Variants in RUBCN observed in about 807,000 individuals in gnomAD.
RUBCN encodes the protein run domain Beclin-1-interacting and cysteine-rich domain-containing protein.
RUBCN carries 74 observed loss-of-function variants against 113.2 expected under a neutral mutation model. The observed-to-expected ratio is 0.65, with a 90% CI of 0.54 to 0.79. The LOEUF is 0.79. Ranked by LOEUF, RUBCN falls within the 30% of genes least tolerant of loss-of-function variation. The pLI, the probability that RUBCN is intolerant of heterozygous loss-of-function variation, is 0.00. For synonymous variants in RUBCN, 480 were observed against 490.0 expected, an observed-to-expected ratio of 0.98 and a Z score of 0.27; for missense variants, 1,109 against 1,251.7, an observed-to-expected ratio of 0.89 and a Z score of 1.72.
At chr3:197,717,600 G>T (rs1192502470) in intron 2 of RUBCN, among the ~76,000 whole-genome samples, 2 of 152,180 alleles carry the variant, frequency 1.3e-5, no homozygotes, top group East Asian at 3.8e-4. Flanking sequence ...GAGGGTGTGT[G>T]GCCCTGCAGA....
chr3:197,675,985 A>C lies in RUBCN; in HGVS notation c.2647-470T>G, dbSNP rs73891687. Among the ~76,000 whole-genome samples, 19,046 of 152,160 alleles carry C rather than the reference A, an allele frequency of 0.13. 3,438 individuals are homozygous for C. The highest frequency in any genetic ancestry group is 0.4 in the African/African-American group (16,606 of 41,430). ...TTCCTACCTGTGCCCAGCTCGAATT[A>C]TGGGACGGTCACAGGAACATAAACT... On this transcript the variant is annotated intron_variant, in intron 18 of 19. Transcript: ENST00000296343. This position sits in a 1 kb window ranked among gnomAD's most constrained non-coding sequence, Gnocchi z 4.4.
chr3:197,700,439 T>TA (rs1187073902), intron 7 of RUBCN, 174 bp downstream of exon 7: 3 of 638,464 alleles, frequency 4.7e-6, no homozygotes, highest in Non-Finnish European at 8.2e-6. Context: ...TAAATAGACT[T>TA]AGAGATTTTG....
rs1034256924 is a variant in RUBCN, at chr3:197,671,008, CTTTT to C, written c.*4006_*4009del. On this transcript the variant is annotated 3_prime_UTR_variant, in exon 20 of 20. Coordinates refer to ENST00000296343, the MANE Select transcript of RUBCN (RefSeq NM_014687.4). ...CCCCTCATGCCACAGTGTGCTGGTGCTTTTTTTGTTTTGTTTTGTTTTTTTGAGA... is the reference window on the plus strand; with the variant it reads ...CCCCTCATGCCACAGTGTGCTGGTGCTTTGTTTTGTTTTGTTTTTTTGAGA... 1.3e-5 allele frequency among the ~76,000 whole-genome samples: 2 copies of C among 151,976 alleles called. No individual in the cohort carries two copies. The highest frequency in any genetic ancestry group is 2.4e-5 in the African/African-American group (1 of 41,376).
chr3:197,732,530 G>T (rs1727637913), intron 1 of RUBCN, among the ~76,000 whole-genome samples: 1 of 152,210 alleles, frequency 6.6e-6, no homozygotes, highest in South Asian at 2.1e-4. Context: ...AGCCAGGATG[G>T]TCTCGATCTC....
At position 197,693,797 on chromosome 3, in the gene RUBCN, G is replaced by A; in HGVS notation, c.1704C>T (p.Ser568=). The change falls in exon 11 of 20, where the codon AGC becomes AGT. Residue 568 remains serine, a synonymous_variant. Coordinates refer to ENST00000296343, the MANE Select transcript of RUBCN (RefSeq NM_014687.4). ...AATCACGTGAGCTGAACTGGGAGCT[G>A]CTGGAGGTGACCCGAAAGCCTGTTA... The part of the protein sequence containing the change: ...AEHGSFRVTS[S]SSQFSSRDSA... 2.5e-6 allele frequency: 4 copies of A among 1,613,868 alleles called. No homozygotes were observed. The highest frequency in any genetic ancestry group is 1.1e-5 in the South Asian group (1 of 91,082).
intron 1 of RUBCN, among the ~76,000 whole-genome samples, chr3:197,725,496 A>G (rs990885375): frequency 6.8e-6 from 1 of 147,974 alleles, no homozygotes; most frequent in African/African-American, 2.5e-5. Flanking sequence ...CCAGTCCCAT[A>G]CATTTCATGG....
intron 8 of RUBCN, among the ~76,000 whole-genome samples, chr3:197,696,738 G>A (rs1166822898): frequency 6.6e-6 from 1 of 152,202 alleles, no homozygotes; most frequent in Non-Finnish European, 1.5e-5. Context: ...CAGCACGTAA[G>A]AGAGGGTGGG....
At position 197,675,868 on chromosome 3, in the gene RUBCN, A is replaced by C. The variant is rs143966119; in HGVS notation, c.2647-353T>G. Among the ~76,000 whole-genome samples, 28 of 152,290 alleles carry C rather than the reference A, an allele frequency of 1.8e-4. No individual in the cohort carries two copies. The highest frequency in any genetic ancestry group is 6.7e-4 in the African/African-American group (28 of 41,570). On this transcript the variant is annotated intron_variant, in intron 18 of 19. Coordinates refer to ENST00000296343, the MANE Select transcript of RUBCN (RefSeq NM_014687.4). This position sits in a 1 kb window ranked among gnomAD's most constrained non-coding sequence, Gnocchi z 4.4. ...TAGGAACCACAAGCAATTAAGATAAAATGTGGAGACGAGGCTGTTCCTCAA... is the reference window on the plus strand; with the variant it reads ...TAGGAACCACAAGCAATTAAGATAACATGTGGAGACGAGGCTGTTCCTCAA...
chr3:197,705,546 C>G (rs1381717027), intron 2 of RUBCN, among the ~76,000 whole-genome samples: 1 of 120,190 alleles, frequency 8.3e-6, no homozygotes, highest in Non-Finnish European at 1.6e-5. Context: ...GCCCAGGCAA[C>G]AGAGTGAGAC....
At chr3:197,731,392 C>T (rs1727445421) in intron 1 of RUBCN, among the ~76,000 whole-genome samples, 2 of 152,204 alleles carry the variant, frequency 1.3e-5, no homozygotes, top group African/African-American at 2.4e-5. Context: ...CCATGTCTAC[C>T]TCTTTCCACA....
At position 197,682,458 on chromosome 3, in the gene RUBCN, CT is replaced by C; in HGVS notation, c.2126+11del. 6.2e-7 allele frequency: 1 copy of C among 1,614,152 alleles called. No individual in the cohort carries two copies. Among genetic ancestry groups the C allele is most frequent in the Non-Finnish European group, 8.5e-7 (1 of 1,180,016 alleles). Reference sequence around the variant, plus strand: ...ATCTGTGCTCCAAAGGGCACAGACACTGGCCACTCACGTTGGGGCTGGATGA... The same window carrying C: ...ATCTGTGCTCCAAAGGGCACAGACACGGCCACTCACGTTGGGGCTGGATGA... On this transcript the variant is annotated intron_variant, in intron 14 of 19. Transcript: ENST00000296343.
upstream of RUBCN, among the ~76,000 whole-genome samples, chr3:197,738,003 C>T (rs1434421407): frequency 6.6e-6 from 1 of 152,154 alleles, no homozygotes; most frequent in Non-Finnish European, 1.5e-5. Context: ...GTCCTCCTTC[C>T]TCAGCCTCCT....
At chr3:197,733,584 C>T (rs553170813) in intron 1 of RUBCN, among the ~76,000 whole-genome samples, 8 of 152,284 alleles carry the variant, frequency 5.3e-5, no homozygotes, top group African/African-American at 1.9e-4. Flanking sequence ...TTTGCAGTAA[C>T]CCAGTCACAA....
At chr3:197,700,554 CCT>C (rs1162954450) in intron 7 of RUBCN, 57 bp downstream of exon 7, 2 of 1,560,240 alleles carry the variant, frequency 1.3e-6, no homozygotes, top group East Asian at 2.2e-5. Context: ...CATAACAAGC[CCT>C]CTCTTACTCT....
intron 2 of RUBCN, among the ~76,000 whole-genome samples, chr3:197,706,863 C>A (rs530476858): frequency 6.6e-6 from 1 of 152,216 alleles, no homozygotes; most frequent in African/African-American, 2.4e-5. Flanking sequence ...GAAGTGAGAA[C>A]CGGAAATGTC....
At chr3:197,715,997 T>C (rs995380932) in intron 2 of RUBCN, among the ~76,000 whole-genome samples, 6 of 152,002 alleles carry the variant, frequency 3.9e-5, no homozygotes, top group Non-Finnish European at 7.3e-5. Flanking sequence ...GAAAGAGACG[T>C]TGATTCTAAT....
rs1315523944 is a variant in RUBCN, at chr3:197,701,144, T to C, written c.730A>G (p.Arg244Gly). 1 of 1,529,832 alleles carries C rather than the reference T, an allele frequency of 6.5e-7. No individual in the cohort carries two copies. The allele number at this position is 1,529,832 out of a possible 1,614,324, so 94.8% of individuals were successfully genotyped here. A position where few individuals can be genotyped will look rare whatever the true frequency, so the allele number is the denominator to read the frequency against. ...GAGAGTGGAAAGGAAGTAGATCTTC[T>C]CTCTAGAATATAAAAGGAAATGGTA... ...HQSVPNNGSE[R>G]RSTSFPLSGP... The change falls in exon 7 of 20, where the codon AGA (arginine) becomes GGA (glycine). Residue 244 changes from arginine to glycine, a missense_variant and splice_region_variant. Physicochemically the swap from Arg to Gly is moderately radical, Grantham distance 125 (BLOSUM62 -2). Coordinates refer to ENST00000296343, the MANE Select transcript of RUBCN (RefSeq NM_014687.4).
In RUBCN at chr3:197,746,876, T is replaced by G. The variant is rs115442262; in HGVS notation, c.-116+2393A>C. Among the ~76,000 whole-genome samples the G allele has an allele frequency of 9.9e-3, 1,502 of 152,106 alleles. 12 individuals are homozygous for G. The highest frequency in any genetic ancestry group is 0.034 in the African/African-American group (1,426 of 41,504). ...CTTGTTCACAGCAGGTGCTGAGATATTCTTTGCTCTTCAAGCTGTGTGAAG... is the reference window on the plus strand; with the variant it reads ...CTTGTTCACAGCAGGTGCTGAGATAGTCTTTGCTCTTCAAGCTGTGTGAAG... On this transcript the variant is annotated intron_variant, in intron 1 of 20. Transcript: ENST00000273582.
At chr3:197,698,886 T>C (rs1218333855) in intron 7 of RUBCN, among the ~76,000 whole-genome samples, 1 of 150,162 alleles carries the variant, frequency 6.7e-6, no homozygotes, top group Non-Finnish European at 1.5e-5. Flanking sequence ...AAAAGTCTGC[T>C]ACTGATTCAT....
Sources: allele counts gnomAD v4.1 joint callset (sites outside exome capture counted in the v4.1 genomes callset), GRCh38; gene constraint gnomAD v4.1.1; non-coding constraint Gnocchi (gnomAD v3.1); transcripts MANE v1.5; gene names NCBI Gene and HGNC (gene_info 2026-07-23, HGNC 2026-07-21).